DMD: variants seen among roughly 807,000 people sequenced by gnomAD.
The protein encoded by DMD is dystrophin.
In DMD, 63 loss-of-function variants were observed where a neutral mutation model predicts 330.1. That is an observed-to-expected ratio of 0.19 (90% CI 0.16 to 0.24). The LOEUF is 0.24. Among genes scored for constraint, DMD ranks in the 10% least tolerant of loss-of-function variants. The pLI is 1.00. For synonymous variants in DMD, 1,223 were observed against 959.8 expected (o/e 1.27, Z -5.07); for missense variants, 3,344 against 2,684.1 (o/e 1.25, Z -5.43).
intron 2 of DMD, among the ~76,000 whole-genome samples, chrX:32,995,633 C>T (rs1398823005): frequency 8.9e-6 from 1 of 111,996 alleles, no homozygotes; most frequent in Non-Finnish European, 1.9e-5. Flanking sequence ...ATCCTGTACC[C>T]TGAGATAGGC....
chrX:33,111,974 A>C (rs758941922), intron 1 of DMD, among the ~76,000 whole-genome samples: 14 of 111,395 alleles, frequency 1.3e-4, no homozygotes, highest in Non-Finnish European at 2.3e-4. Context: ...AAGCAACTAC[A>C]TGAAATAAAA....
chrX:31,698,649 C>A (rs1452625693), intron 52 of DMD, among the ~76,000 whole-genome samples: 1 of 112,236 alleles, frequency 8.9e-6, no homozygotes, highest in Non-Finnish European at 1.9e-5. Flanking sequence ...TCAACTCAAA[C>A]CCACAAAGAG....
At chrX:33,021,515 A>G (rs1159542776) in intron 1 of DMD, among the ~76,000 whole-genome samples, 1 of 111,656 alleles carries the variant, frequency 9.0e-6, no homozygotes, top group Non-Finnish European at 1.9e-5. Flanking sequence ...CAAAGTAATC[A>G]TATTTGCTCT....
At chrX:32,959,375 T>C (rs1240574543) in intron 2 of DMD, among the ~76,000 whole-genome samples, 2 of 111,615 alleles carry the variant, frequency 1.8e-5, no homozygotes, top group Non-Finnish European at 3.8e-5. Flanking sequence ...AATTCCGGTT[T>C]TGTTGTGTTT....
At chrX:31,228,143 T>C (rs1292983039) in intron 63 of DMD, among the ~76,000 whole-genome samples, 2 of 106,938 alleles carry the variant, frequency 1.9e-5, no homozygotes, top group South Asian at 4.2e-4. Flanking sequence ...CACTGGGTGA[T>C]ATACCTAATG....
chrX:32,391,023 C>T (rs1294398758), intron 30 of DMD, among the ~76,000 whole-genome samples: 4 of 111,673 alleles, frequency 3.6e-5, no homozygotes, highest in South Asian at 7.4e-4. Context: ...AAGACATTTT[C>T]GATCAAGTTC....
At chrX:33,023,808 C>T (rs940012321) in intron 1 of DMD, among the ~76,000 whole-genome samples, 4 of 111,231 alleles carry the variant, frequency 3.6e-5, no homozygotes, top group Non-Finnish European at 7.6e-5. Context: ...TCTACACATA[C>T]ATATTTGCAT....
At chrX:31,363,632 C>A (rs758538502) in intron 60 of DMD, among the ~76,000 whole-genome samples, 1 of 111,598 alleles carries the variant, frequency 9.0e-6, no homozygotes, top group Non-Finnish European at 1.9e-5. Context: ...CCCACCTCGG[C>A]CTCCCAAAGT....
At chrX:32,251,039 T>C (rs2097261473) in intron 43 of DMD, among the ~76,000 whole-genome samples, 1 of 105,144 alleles carries the variant, frequency 9.5e-6, no homozygotes, top group African/African-American at 3.5e-5. Flanking sequence ...TGGTGCCTGT[T>C]GGGGGTGGGG....
chrX:32,613,955 C>A (rs1280951958), intron 12 of DMD, among the ~76,000 whole-genome samples: 1 of 110,320 alleles, frequency 9.1e-6, no homozygotes, highest in African/African-American at 3.3e-5. Flanking sequence ...GGCCTTTTCA[C>A]AGAGTTTTCA....
At chrX:31,929,846 TG>T in intron 46 of DMD, 101 bp from the exon 47 acceptor site, 1 of 1,025,165 alleles carries the variant, frequency 9.8e-7, no homozygotes, top group Admixed American at 2.3e-5. Context: ...TGAAGCGACT[TG>T]ACCGAGGGCC....
At chrX:32,977,315 A>T (rs1018746090) in intron 2 of DMD, among the ~76,000 whole-genome samples, 1 of 111,006 alleles carries the variant, frequency 9.0e-6, no homozygotes, top group African/African-American at 3.3e-5. Flanking sequence ...AAAGAAAAAA[A>T]GAAATAATGT....
chrX:32,472,121 G>A, intron 22 of DMD, 43 bp downstream of exon 22: 1 of 1,192,380 alleles, frequency 8.4e-7, no homozygotes, highest in Non-Finnish European at 1.1e-6. Flanking sequence ...GTGAATGCTT[G>A]ATAAGCGTGC....
intron 2 of DMD, among the ~76,000 whole-genome samples, chrX:32,871,078 T>C (rs975054114): frequency 4.6e-5 from 5 of 109,310 alleles, no homozygotes; most frequent in African/African-American, 1.3e-4. Flanking sequence ...CCTGCATCCT[T>C]GCCGTAAGCT....
At chrX:33,259,613 A>G (rs1342660718) in intron 1 of DMD, among the ~76,000 whole-genome samples, 2 of 81,959 alleles carry the variant, frequency 2.4e-5, no homozygotes, top group African/African-American at 9.5e-5. Flanking sequence ...CCCCCCCAAA[A>G]AAAAAAAGGA....
intron 69 of DMD, 107 bp downstream of exon 69, chrX:31,180,263 C>A (rs936247106): frequency 1.6e-6 from 1 of 609,376 alleles, no homozygotes; most frequent in Admixed American, 2.5e-5. Flanking sequence ...TGGGGAACAT[C>A]TGGGGAAGTG....
At chrX:32,164,638 G>A (rs1053564253) in intron 44 of DMD, among the ~76,000 whole-genome samples, 3 of 111,699 alleles carry the variant, frequency 2.7e-5, no homozygotes, top group African/African-American at 9.8e-5. Context: ...TTCTGGAGAG[G>A]CTGGCTGTAG....
intron 77 of DMD, among the ~76,000 whole-genome samples, chrX:31,131,608 G>T (rs1222619987): frequency 9.0e-6 from 1 of 111,599 alleles, no homozygotes; most frequent in Non-Finnish European, 1.9e-5. Flanking sequence ...GAAAGACTTT[G>T]TAATCCCAAG....
intron 2 of DMD, among the ~76,000 whole-genome samples, chrX:32,956,134 G>A (rs1285604971): frequency 1.8e-5 from 2 of 110,676 alleles, no homozygotes; most frequent in African/African-American, 6.6e-5. Context: ...GCTTAGGATT[G>A]CCTTGGCTAC....
Sources: gnomAD v4.1 joint callset for allele counts (sites outside exome capture counted in the v4.1 genomes callset) on GRCh38, gnomAD v4.1.1 for gene constraint, MANE v1.5 for transcripts, NCBI Gene and HGNC (gene_info 2026-07-23, HGNC 2026-07-21) for gene names.